Variants in ACTR3 observed in about 807,000 individuals in gnomAD.
The protein encoded by ACTR3 is actin-related protein 3.
A neutral mutation model predicts 56.8 loss-of-function variants in ACTR3; 12 were observed. The observed-to-expected ratio is 0.21, with a 90% CI of 0.14 to 0.34. The LOEUF is 0.34. Ranked by LOEUF, ACTR3 falls within the 10% of genes least tolerant of loss-of-function variation. The probability of loss-of-function intolerance (pLI) is 1.00; values close to 1 mark genes in which losing one functional copy is unlikely to be tolerated. For synonymous variants in ACTR3, 162 were observed against 167.4 expected (o/e 0.97, Z 0.25); for missense variants, 282 against 512.5 (o/e 0.55, Z 4.34).
chr2:113,892,173 A>C (rs1213794874), intron 1 of ACTR3, among the ~76,000 whole-genome samples: 1 of 152,250 alleles, frequency 6.6e-6, no homozygotes, highest in African/African-American at 2.4e-5. Flanking sequence ...ATTAGTATAC[A>C]AGATGTTTCA....
chr2:113,939,271 C>T (rs1292153557), intron 6 of ACTR3, among the ~76,000 whole-genome samples: 1 of 152,126 alleles, frequency 6.6e-6, no homozygotes, highest in Non-Finnish European at 1.5e-5. Context: ...ATCCGCCCGT[C>T]TCGGCCTCCC....
At chr2:113,949,123 A>C (rs1283887605) in intron 8 of ACTR3, among the ~76,000 whole-genome samples, 1 of 151,702 alleles carries the variant, frequency 6.6e-6, no homozygotes, top group Non-Finnish European at 1.5e-5. Flanking sequence ...CACACCTATA[A>C]TCCCAGCACT....
At chr2:113,935,756 A>C (rs929963128) in intron 6 of ACTR3, among the ~76,000 whole-genome samples, 1 of 152,132 alleles carries the variant, frequency 6.6e-6, no homozygotes, top group Non-Finnish European at 1.5e-5. Context: ...TCTGTGATAA[A>C]TATTATATTT....
chr2:113,924,316 A>G (rs1192179213), intron 3 of ACTR3, among the ~76,000 whole-genome samples: 3 of 151,128 alleles, frequency 2.0e-5, no homozygotes, highest in Non-Finnish European at 3.0e-5. Flanking sequence ...GGCTCAAGCC[A>G]TCCTCTCACC....
intron 1 of ACTR3, among the ~76,000 whole-genome samples, chr2:113,902,494 G>A (rs1446827330): frequency 3.3e-5 from 5 of 151,244 alleles, no homozygotes; most frequent in African/African-American, 9.7e-5. Context: ...TCTCCCTTTC[G>A]CAGCCAAAAT....
At chr2:113,939,047 G>A (rs1679878270) in intron 6 of ACTR3, among the ~76,000 whole-genome samples, 2 of 149,894 alleles carry the variant, frequency 1.3e-5, no homozygotes, top group African/African-American at 4.9e-5. Flanking sequence ...TTTTTGAGAC[G>A]GAGTTTCGCT....
In ACTR3 at chr2:113,897,903, C is replaced by T. The variant is rs147459848; in HGVS notation, c.44+7580C>T. Among the ~76,000 whole-genome samples, 279 of 152,192 alleles carry T rather than the reference C, an allele frequency of 1.8e-3. 1 individual carries two copies. The highest frequency in any genetic ancestry group is 3.3e-3 in the Non-Finnish European group (225 of 68,018). ...CTCCTGCCGAAGGACATTACCTAAA[C>T]GTTTTATTTTTAAACATTTTGTCCT... is the stretch of plus-strand genomic sequence containing the variant. On this transcript the variant is annotated intron_variant, in intron 1 of 11. Coordinates refer to ENST00000263238, the MANE Select transcript of ACTR3 (RefSeq NM_005721.5).
At chr2:113,949,283 T>C (rs201803005) in intron 8 of ACTR3, among the ~76,000 whole-genome samples, 2 of 142,772 alleles carry the variant, frequency 1.4e-5, no homozygotes, top group Non-Finnish European at 3.0e-5. Context: ...GAGGCTGAGG[T>C]AGGAGAATTG....
In ACTR3 at chr2:113,957,507, C is replaced by T. The variant is rs1559495555; in HGVS notation, c.*52C>T. The T allele has an allele frequency of 7.0e-7, 1 of 1,430,456 alleles. No homozygotes were observed. The highest frequency in any genetic ancestry group is 2.3e-5 in the East Asian group (1 of 43,708). The allele number at this position is 1,430,456 out of a possible 1,614,324, so 88.6% of individuals were successfully genotyped here. On this transcript the variant is annotated 3_prime_UTR_variant, in exon 12 of 12. Transcript: ENST00000263238. ...GGGAGGTGGGGAAGAGATAATCTTT[C>T]TGATTACCTGTTTTGTCTGGATGGC... is the stretch of plus-strand genomic sequence containing the variant.
In ACTR3 at chr2:113,894,167, G is replaced by A. The variant is rs180915594; in HGVS notation, c.44+3844G>A. On this transcript the variant is annotated intron_variant, in intron 1 of 11. Coordinates refer to ENST00000263238, the MANE Select transcript of ACTR3 (RefSeq NM_005721.5). ...TGCAGTGGCATGATCTTGGCTCACT[G>A]CAACCTCCTTCTGCCTCCTGGGTTC... 1.2e-4 allele frequency among the ~76,000 whole-genome samples: 18 copies of A among 151,414 alleles called. No individual in the cohort carries two copies. In the East Asian group the frequency reaches 2.7e-3, roughly 23 times the overall value.
At chr2:113,908,842 T>G (rs926306406) in intron 1 of ACTR3, among the ~76,000 whole-genome samples, 1 of 152,140 alleles carries the variant, frequency 6.6e-6, no homozygotes, top group African/African-American at 2.4e-5. Flanking sequence ...TTTTTTAAAG[T>G]TTAGTAGATA....
At chr2:113,932,088 C>G (rs962988666) in intron 5 of ACTR3, among the ~76,000 whole-genome samples, 3 of 152,160 alleles carry the variant, frequency 2.0e-5, no homozygotes, top group African/African-American at 7.2e-5. Flanking sequence ...GTCTGTCTGA[C>G]TTTGCTCTTT....
intron 5 of ACTR3, chr2:113,933,945 G>C (rs1364550206): frequency 2.6e-5 from 5 of 189,604 alleles, no homozygotes; most frequent in Non-Finnish European, 4.3e-5. Context: ...CTCCCAAAGT[G>C]CTGGGATTAC....
intron 10 of ACTR3, chr2:113,952,079 TTTTTTTTAAATACCTCTCTCATAGATAA>T (rs1452483590): frequency 2.2e-6 from 1 of 461,802 alleles, no homozygotes; most frequent in Non-Finnish European, 3.7e-6. Context: ...TGGAAAGACT[TTTTTTTTAAATACCTCTCTCATAGATAA>T]TTAATATAGT....
intron 6 of ACTR3, among the ~76,000 whole-genome samples, chr2:113,935,049 T>A (rs1020047960): frequency 1.3e-4 from 20 of 152,042 alleles, no homozygotes; most frequent in Non-Finnish European, 2.8e-4. Flanking sequence ...TTTTTTTTTT[T>A]ATTCTCACTC....
At chr2:113,890,547 C>G (rs1678867800) in intron 1 of ACTR3, 1 of 1,376,656 alleles carries the variant, frequency 7.3e-7, no homozygotes, top group African/African-American at 1.5e-5. Flanking sequence ...AGATTCAACC[C>G]CCAACCCTCC....
intron 5 of ACTR3, among the ~76,000 whole-genome samples, chr2:113,933,691 T>C (rs1679766128): frequency 6.7e-6 from 1 of 148,578 alleles, no homozygotes; most frequent in Non-Finnish European, 1.5e-5. Flanking sequence ...TTTTTTTTTT[T>C]TTTTTTGAGA....
intron 1 of ACTR3, among the ~76,000 whole-genome samples, chr2:113,910,254 CAGAGTTTGG>C (rs142965398): frequency 0.048 from 7,364 of 152,128 alleles, 568 homozygotes; most frequent in African/African-American, 0.17. Flanking sequence ...ACCCAAAGGA[CAGAGTTTGG>C]AGAGCTTTCA....
chr2:113,917,042 C>CA, intron 3 of ACTR3, 34 bp downstream of exon 3: 2 of 1,554,870 alleles, frequency 1.3e-6, no homozygotes, highest in Non-Finnish European at 1.7e-6. Flanking sequence ...ATAACATTTT[C>CA]AAAAAATAGT....
Sources: gnomAD v4.1 joint callset for allele counts (sites outside exome capture counted in the v4.1 genomes callset) on GRCh38, gnomAD v4.1.1 for gene constraint, MANE v1.5 for transcripts, NCBI Gene and HGNC (gene_info 2026-07-23, HGNC 2026-07-21) for gene names.